ANKRD30BL: variants seen among roughly 807,000 people sequenced by gnomAD.
ANKRD30BL encodes ankyrin repeat domain 30B like.
Under a neutral mutation model 18.4 loss-of-function variants are expected in ANKRD30BL, and 20 were observed. The observed-to-expected ratio is 1.09, with a 90% CI of 0.77 to 1.58. ANKRD30BL has a LOEUF of 1.58. Among genes scored for constraint, ANKRD30BL ranks in the 40% most tolerant of loss-of-function variants. The pLI, the probability that ANKRD30BL is intolerant of heterozygous loss-of-function variation, is 0.00. For synonymous variants in ANKRD30BL, 72 were observed against 100.9 expected (o/e 0.71, Z 1.72); for missense variants, 224 against 268.6 (o/e 0.83, Z 1.16).
chr2:132,252,679 C>T (rs1223149964), intron 1 of ANKRD30BL, among the ~76,000 whole-genome samples: 2 of 152,078 alleles, frequency 1.3e-5, no homozygotes, highest in African/African-American at 4.8e-5. Flanking sequence ...TGACGTGCTC[C>T]CCCACCCTCT....
At chr2:132,171,772 G>A (rs1273006341) in intron 1 of ANKRD30BL, among the ~76,000 whole-genome samples, 2 of 152,194 alleles carry the variant, frequency 1.3e-5, no homozygotes, top group East Asian at 1.9e-4. Flanking sequence ...TAAATGAACA[G>A]TTCAGAGGAC....
intron 1 of ANKRD30BL, among the ~76,000 whole-genome samples, chr2:132,220,975 G>A (rs1347855914): frequency 4.5e-4 from 67 of 150,396 alleles, no homozygotes; most frequent in East Asian, 1.2e-3. Context: ...CTGCCCGGCC[G>A]CCCATCGTCT....
intron 1 of ANKRD30BL, among the ~76,000 whole-genome samples, chr2:132,247,184 C>G (rs796555565): frequency 2.6e-5 from 4 of 151,484 alleles, no homozygotes; most frequent in African/African-American, 7.3e-5. Flanking sequence ...TTCTAAGAAA[C>G]TTCTTTGTGA....
At chr2:132,230,943 G>A (rs1281771218) in intron 1 of ANKRD30BL, among the ~76,000 whole-genome samples, 4 of 152,100 alleles carry the variant, frequency 2.6e-5, no homozygotes, top group Non-Finnish European at 5.9e-5. Flanking sequence ...TCTGCAAGTG[G>A]ATAGATGGAA....
chr2:132,221,205 C>A (rs1467097529), intron 1 of ANKRD30BL, among the ~76,000 whole-genome samples: 3 of 146,030 alleles, frequency 2.1e-5, no homozygotes, highest in African/African-American at 5.5e-5. Flanking sequence ...GGGGGTCAGC[C>A]CCCCGCCCGG....
chr2:132,221,192 G>GGGT (rs1181114063), intron 1 of ANKRD30BL, among the ~76,000 whole-genome samples: 72 of 130,186 alleles, frequency 5.5e-4, no homozygotes, highest in African/African-American at 1.7e-3. Context: ...GAGGGAGGTG[G>GGGT]GGGGGGGTCA....
Position 132,161,910 on chromosome 2 carries a change from A to AG in ANKRD30BL, c.-206dup, listed in dbSNP as rs1688078582. On this transcript the variant is annotated 5_prime_UTR_variant, in exon 1 of 6. Transcript: ENST00000409867. ...CGTTAGGCAGCTGAGCAGAACCGTTAGGCACCTGAGCAGAACCTTTAGGCA... is the reference window on the plus strand; with the variant it reads ...CGTTAGGCAGCTGAGCAGAACCGTTAGGGCACCTGAGCAGAACCTTTAGGCA... The AG allele has an allele frequency of 1.7e-6, 1 of 572,028 alleles. No individual in the cohort carries two copies. Among genetic ancestry groups the AG allele is most frequent in the Non-Finnish European group, 3.1e-6 (1 of 318,240 alleles). The allele number at this position is 572,028 out of a possible 1,614,324, so 35.4% of individuals were successfully genotyped here.
chr2:132,220,564 C>T (rs1350300384), intron 1 of ANKRD30BL, among the ~76,000 whole-genome samples: 2 of 152,006 alleles, frequency 1.3e-5, no homozygotes, highest in African/African-American at 2.4e-5. Flanking sequence ...CGGGGTTTCG[C>T]TGTGTTGGCC....
intron 1 of ANKRD30BL, among the ~76,000 whole-genome samples, chr2:132,202,394 A>G (rs565212288): frequency 6.7e-6 from 1 of 149,770 alleles, no homozygotes; most frequent in Non-Finnish European, 1.5e-5. Flanking sequence ...TTAAAGTAAA[A>G]TAAAAATTTG....
At chr2:132,204,281 G>A (rs1309956421) in intron 1 of ANKRD30BL, among the ~76,000 whole-genome samples, 2 of 151,904 alleles carry the variant, frequency 1.3e-5, no homozygotes, top group Middle Eastern at 3.4e-3. Flanking sequence ...GAAGGAAAAT[G>A]TTAAATGATT....
intron 1 of ANKRD30BL, among the ~76,000 whole-genome samples, chr2:132,252,115 A>C (rs1680663588): frequency 6.8e-6 from 1 of 147,610 alleles, no homozygotes; most frequent in Admixed American, 6.6e-5. Flanking sequence ...CCCTTTTATT[A>C]AAACTGTATT....
Position 132,157,253 on chromosome 2 carries a change from A to G in ANKRD30BL, c.333+56T>C. Reference sequence around the variant, plus strand: ...ATTTCAATGAGATAGATTCATTTTTATTCTATGTATTTAAACCAAATCCAT... The same window carrying G: ...ATTTCAATGAGATAGATTCATTTTTGTTCTATGTATTTAAACCAAATCCAT... On this transcript the variant is annotated intron_variant, in intron 2 of 5. Transcript: ENST00000409867. 3 of 948,574 alleles carry G rather than the reference A, an allele frequency of 3.2e-6. No individual in the cohort carries two copies. The East Asian group carries it at 8.0e-5, about 25-fold the overall frequency. 58.8% of individuals were successfully genotyped at this position (948,574 alleles called of 1,614,324 possible).
intron 1 of ANKRD30BL, among the ~76,000 whole-genome samples, chr2:132,212,750 A>G (rs1299256716): frequency 6.6e-6 from 1 of 151,896 alleles, no homozygotes; most frequent in Non-Finnish European, 1.5e-5. Context: ...CTCTTTTTGT[A>G]GACTCTGCAA....
In ANKRD30BL at chr2:132,150,988, A is replaced by T. The variant is rs1273687186; in HGVS notation, c.615-12T>A. On this transcript the variant is annotated splice_polypyrimidine_tract_variant and intron_variant, in intron 4 of 5. Transcript: ENST00000409867. ...GTTGTTGATGAACGCTATGTATAAA[A>T]ATGAAATAAATAAAATCACTATTTT... The T allele has an allele frequency of 1.7e-6, 1 of 593,858 alleles. No individual in the cohort carries two copies. The highest frequency in any genetic ancestry group is 3.0e-6 in the Non-Finnish European group (1 of 336,546). The allele number at this position is 593,858 out of a possible 1,614,324, so 36.8% of individuals were successfully genotyped here. A position where few individuals can be genotyped will look rare whatever the true frequency, so the allele number is the denominator to read the frequency against.
At chr2:132,242,157 G>A (rs376438698) in intron 1 of ANKRD30BL, among the ~76,000 whole-genome samples, 1 of 150,854 alleles carries the variant, frequency 6.6e-6, no homozygotes, top group Non-Finnish European at 1.5e-5. Context: ...ACAAGTGGAT[G>A]TTAGGACAGC....
chr2:132,247,453 A>C (rs1190793594), intron 1 of ANKRD30BL, among the ~76,000 whole-genome samples: 1 of 151,488 alleles, frequency 6.6e-6, no homozygotes, highest in African/African-American at 2.4e-5. Flanking sequence ...CATTGGGTTC[A>C]GAAATATCCT....
At chr2:132,189,891 A>G (rs9630950) in intron 1 of ANKRD30BL, among the ~76,000 whole-genome samples, 1 of 151,644 alleles carries the variant, frequency 6.6e-6, no homozygotes, top group Non-Finnish European at 1.5e-5. Flanking sequence ...GAGAGAAAAA[A>G]AAATAAATTA....
At chr2:132,179,120 A>C (rs1362222606) in intron 1 of ANKRD30BL, among the ~76,000 whole-genome samples, 1 of 152,000 alleles carries the variant, frequency 6.6e-6, no homozygotes, top group Non-Finnish European at 1.5e-5. Context: ...TTGTCAATGT[A>C]ATATCATTGC....
chr2:132,254,533 C>A (rs952587574), intron 1 of ANKRD30BL, among the ~76,000 whole-genome samples: 1 of 152,206 alleles, frequency 6.6e-6, no homozygotes, highest in Non-Finnish European at 1.5e-5. Context: ...AGGGCAGGGA[C>A]TTCATGCAAG....
Sources: allele counts gnomAD v4.1 joint callset (sites outside exome capture counted in the v4.1 genomes callset), GRCh38; gene constraint gnomAD v4.1.1; transcripts MANE v1.5; gene names NCBI Gene and HGNC (gene_info 2026-07-23, HGNC 2026-07-21).